The following ITGA9 variants were observed in gnomAD, a reference collection of about 807,000 sequenced individuals.
The protein encoded by ITGA9 is integrin subunit alpha 9, also known as integrin alpha-9.
ITGA9 carries 56 observed loss-of-function variants against 127.8 expected under a neutral mutation model. The ratio of observed to expected loss-of-function variants is 0.44; its 90% confidence interval spans 0.35 to 0.55. The LOEUF (loss-of-function observed/expected upper bound fraction) is 0.55. Among genes scored for constraint, ITGA9 ranks in the 20% least tolerant of loss-of-function variants. ITGA9 has a pLI of 0.00. For synonymous variants in ITGA9, 508 were observed against 514.5 expected, an observed-to-expected ratio of 0.99 and a Z score of 0.17; for missense variants, 1,196 against 1,347.1, an observed-to-expected ratio of 0.89 and a Z score of 1.76.
chr3:37,804,172 C>T (rs551332350), intron 27 of ITGA9, among the ~76,000 whole-genome samples: 5 of 152,224 alleles, frequency 3.3e-5, no homozygotes, highest in Non-Finnish European at 5.9e-5. Flanking sequence ...GTTCTCTCTT[C>T]TCTTACCTTC....
intron 24 of ITGA9, among the ~76,000 whole-genome samples, chr3:37,778,214 C>CCACA (rs1444057662): frequency 2.6e-5 from 4 of 152,190 alleles, no homozygotes; most frequent in Non-Finnish European, 5.9e-5. Context: ...AAGGTGGTTA[C>CCACA]TTTCAGAGGA....
intron 15 of ITGA9, among the ~76,000 whole-genome samples, chr3:37,582,988 C>T (rs758457052): frequency 2.6e-5 from 4 of 152,112 alleles, no homozygotes; most frequent in Non-Finnish European, 5.9e-5. Flanking sequence ...TGGTGGAGTG[C>T]GTGAAGTTAT....
At chr3:37,466,747 C>T (rs970023518) in intron 1 of ITGA9, among the ~76,000 whole-genome samples, 2 of 152,144 alleles carry the variant, frequency 1.3e-5, no homozygotes, top group Non-Finnish European at 2.9e-5. Context: ...CCAGGTGTTC[C>T]CCATGCTGCT....
At chr3:37,575,252 G>A (rs1699642214) in intron 15 of ITGA9, among the ~76,000 whole-genome samples, 1 of 152,170 alleles carries the variant, frequency 6.6e-6, no homozygotes, top group Non-Finnish European at 1.5e-5. Flanking sequence ...GCAGGGGTCT[G>A]CAGAGTGCCG....
intron 18 of ITGA9, among the ~76,000 whole-genome samples, chr3:37,719,590 CA>C: frequency 6.6e-6 from 1 of 152,104 alleles, no homozygotes; most frequent in African/African-American, 2.4e-5. Flanking sequence ...GACAGTTCGC[CA>C]TAGGCGAACT....
chr3:37,653,190 A>G (rs977789050), intron 16 of ITGA9, among the ~76,000 whole-genome samples: 1 of 152,246 alleles, frequency 6.6e-6, no homozygotes, highest in Non-Finnish European at 1.5e-5. Context: ...TGATTCCCTC[A>G]GCCTGATGGC....
chr3:37,631,177 C>T (rs188886074), intron 16 of ITGA9, among the ~76,000 whole-genome samples: 2 of 152,270 alleles, frequency 1.3e-5, no homozygotes, highest in Non-Finnish European at 2.9e-5. Context: ...ACTCGGGGTC[C>T]TGGGAAGAAT....
At chr3:37,609,137 G>A (rs1559548336) in intron 15 of ITGA9, among the ~76,000 whole-genome samples, 1 of 151,984 alleles carries the variant, frequency 6.6e-6, no homozygotes, top group East Asian at 1.9e-4. Flanking sequence ...CTCTATGCTT[G>A]CCCGCCTCTT....
At chr3:37,649,297 A>T (rs560869327) in intron 16 of ITGA9, among the ~76,000 whole-genome samples, 3 of 152,104 alleles carry the variant, frequency 2.0e-5, no homozygotes, top group South Asian at 4.1e-4. Context: ...ATAGATTATT[A>T]AAAAAAACAA....
intron 14 of ITGA9, among the ~76,000 whole-genome samples, chr3:37,534,259 AGG>A (rs1468946889): frequency 1.6e-5 from 1 of 60,740 alleles, no homozygotes; most frequent in East Asian, 2.4e-3. Flanking sequence ...AAACACTAAC[AGG>A]GACCTGAACC....
At position 37,750,481 on chromosome 3, in the gene ITGA9, G is replaced by A. The variant is rs748031182; in HGVS notation, c.2453G>A (p.Ser818Asn). The stretch of plus-strand genomic sequence containing the variant: ...CCACAGGTCTACAACACTGGCCCAA[G>A]CACCCTTCCAGGGTCATCTGTCAGC... Reference protein sequence around the residue: ...ITLQVYNTGPSTLPGSSVSIS... With the variant: ...ITLQVYNTGPNTLPGSSVSIS... The change falls in exon 23 of 28, where the codon AGC (serine) becomes AAC (asparagine). Residue 818 changes from serine to asparagine, a missense_variant. Ser to Asn is a conservative substitution (Grantham distance 46). Transcript: ENST00000264741. 4 of 1,612,444 alleles carry A rather than the reference G, an allele frequency of 2.5e-6. No homozygotes were observed. Among genetic ancestry groups the A allele is most frequent in the Non-Finnish European group, 3.4e-6 (4 of 1,178,664 alleles).
intron 27 of ITGA9, chr3:37,808,486 C>G (rs1697326206): frequency 6.6e-6 from 1 of 152,184 alleles, no homozygotes; most frequent in Non-Finnish European, 1.5e-5. Flanking sequence ...GGAGTTCGCT[C>G]CTGCAGGATT....
At chr3:37,710,095 A>G (rs1412609678) in intron 18 of ITGA9, among the ~76,000 whole-genome samples, 1 of 152,232 alleles carries the variant, frequency 6.6e-6, no homozygotes, top group Non-Finnish European at 1.5e-5. Context: ...TCAGCTCAGA[A>G]TGTGCCAGGG....
chr3:37,491,986 G>A (rs1468595513), intron 4 of ITGA9, among the ~76,000 whole-genome samples: 1 of 152,178 alleles, frequency 6.6e-6, no homozygotes, highest in Non-Finnish European at 1.5e-5. Flanking sequence ...GGAAGGTGTG[G>A]AATGTGAAAC....
chr3:37,640,158 C>A (rs2125640807), intron 16 of ITGA9, among the ~76,000 whole-genome samples: 1 of 152,248 alleles, frequency 6.6e-6, no homozygotes, highest in South Asian at 2.1e-4. Flanking sequence ...CGTTACATGG[C>A]AAAAGGGACT....
In ITGA9 at chr3:37,533,259, G is replaced by T. The variant is rs1328088264; in HGVS notation, c.1374-55G>T. On this transcript the variant is annotated intron_variant, in intron 13 of 27. Coordinates refer to ENST00000264741, the MANE Select transcript of ITGA9 (RefSeq NM_002207.3). ...ATCCTGTTGGTCTAGTTCTTGTTTG[G>T]TTCTGAGAGCTGCTCCTTACCACGA... 9.7e-6 allele frequency: 15 copies of T among 1,551,990 alleles called. No homozygotes were observed. The Admixed American group carries it at 1.2e-4, about 12-fold the overall frequency.
At chr3:37,568,230 C>G (rs930018360) in intron 15 of ITGA9, among the ~76,000 whole-genome samples, 1 of 152,256 alleles carries the variant, frequency 6.6e-6, no homozygotes, top group Non-Finnish European at 1.5e-5. Context: ...CAAGCTGTAC[C>G]TTGGCCCCTT....
chr3:37,494,577 C>T lies in ITGA9; in HGVS notation c.612+9C>T. Reference sequence around the variant, plus strand: ...CGGGCTTCTTCACCGAGGTGGGTGTCTGCTGTCTGGGCATTTCTGTTCTCT... The same window carrying T: ...CGGGCTTCTTCACCGAGGTGGGTGTTTGCTGTCTGGGCATTTCTGTTCTCT... On this transcript the variant is annotated intron_variant, in intron 5 of 27. Transcript: ENST00000264741. The T allele has an allele frequency of 1.2e-6, 2 of 1,611,334 alleles. No individual in the cohort carries two copies. Among genetic ancestry groups the T allele is most frequent in the South Asian group, 1.1e-5 (1 of 90,964 alleles).
At chr3:37,683,529 T>G (rs891246607) in intron 17 of ITGA9, among the ~76,000 whole-genome samples, 2 of 152,250 alleles carry the variant, frequency 1.3e-5, no homozygotes, top group Non-Finnish European at 2.9e-5. Flanking sequence ...TGGCACATGG[T>G]AGGCACTCAG....
Sources: allele counts gnomAD v4.1 joint callset (sites outside exome capture counted in the v4.1 genomes callset), GRCh38; gene constraint gnomAD v4.1.1; transcripts MANE v1.5; gene names NCBI Gene and HGNC (gene_info 2026-07-23, HGNC 2026-07-21).